Variants in METTL15 observed in about 807,000 individuals in gnomAD.
METTL15 encodes the protein methyltransferase 15, mitochondrial 12S rRNA N4-cytidine, also known as 12S rRNA N(4)-cytidine methyltransferase METTL15.
METTL15 carries 34 observed loss-of-function variants against 38.3 expected under a neutral mutation model. That is an observed-to-expected ratio of 0.89 (90% CI 0.68 to 1.18). The LOEUF (loss-of-function observed/expected upper bound fraction) is 1.18, where lower values mean the gene tolerates loss of function less well. METTL15 is among the 50% of genes most tolerant of loss of function. The probability of loss-of-function intolerance (pLI) is 0.00; values close to 1 mark genes in which losing one functional copy is unlikely to be tolerated. For missense variants in METTL15, 438 were observed against 498.4 expected (o/e 0.88, Z 1.15); for synonymous variants, 162 against 170.9 (o/e 0.95, Z 0.41).
intron 4 of METTL15, among the ~76,000 whole-genome samples, chr11:28,243,637 A>G (rs535689089): frequency 1.3e-5 from 2 of 152,298 alleles, no homozygotes; most frequent in African/African-American, 2.4e-5. Context: ...GTAGCATTCC[A>G]GGATCTCCAA....
chr11:28,395,535 C>G (rs879099011), intron 5 of METTL15, among the ~76,000 whole-genome samples: 6 of 152,080 alleles, frequency 3.9e-5, no homozygotes, highest in Non-Finnish European at 7.4e-5. Context: ...GACACATACA[C>G]CCTCCCAAGA....
intron 3 of METTL15, among the ~76,000 whole-genome samples, chr11:28,131,963 A>T (rs1354616115): frequency 6.6e-6 from 1 of 152,218 alleles, no homozygotes; most frequent in Non-Finnish European, 1.5e-5. Context: ...ATTTAGAGTG[A>T]TTAAAAAAAT....
intron 5 of METTL15, among the ~76,000 whole-genome samples, chr11:28,366,004 C>G (rs1041144901): frequency 6.6e-6 from 1 of 152,112 alleles, no homozygotes; most frequent in African/African-American, 2.4e-5. Context: ...GAGCTGAGAT[C>G]ATGCCACTGC....
chr11:28,471,949 C>T (rs571875709), intron 6 of METTL15, among the ~76,000 whole-genome samples: 3 of 152,118 alleles, frequency 2.0e-5, no homozygotes, highest in Admixed American at 6.6e-5. Context: ...TTCTGAATGA[C>T]GCAAGGTTGA....
chr11:28,155,359 C>T (rs1157395798), intron 3 of METTL15, among the ~76,000 whole-genome samples: 3 of 152,110 alleles, frequency 2.0e-5, no homozygotes, highest in East Asian at 1.9e-4. Flanking sequence ...GAGGAGAGAA[C>T]GAGATTAAAC....
In METTL15 at chr11:28,316,514, C is replaced by T. The variant is rs756748505; in HGVS notation, c.779-13882C>T. On this transcript the variant is annotated intron_variant, in intron 6 of 6. Coordinates refer to ENST00000407364, the MANE Select transcript of METTL15 (RefSeq NM_001113528.2). The stretch of plus-strand genomic sequence containing the variant: ...TTGTCTCAGATGAGACATTGGACTG[C>T]AGACTTTTGAGTTACTGCTGAAATA... Among the ~76,000 whole-genome samples, 49 of 152,124 alleles carry T rather than the reference C, an allele frequency of 3.2e-4. 1 individual carries two copies. Among genetic ancestry groups the T allele is most frequent in the Non-Finnish European group, 1.6e-4 (11 of 68,036 alleles).
intron 5 of METTL15, among the ~76,000 whole-genome samples, chr11:28,378,986 A>G (rs1850353159): frequency 6.6e-6 from 1 of 151,656 alleles, no homozygotes; most frequent in South Asian, 2.1e-4. Context: ...CATTTTTCCT[A>G]GGTTTTCTAA....
chr11:28,410,152 C>T lies in METTL15; in HGVS notation c.*359-14147C>T, dbSNP rs531977758. Among the ~76,000 whole-genome samples the T allele has an allele frequency of 2.0e-5, 3 of 152,134 alleles. No homozygotes were observed. The South Asian group carries it at 6.2e-4, about 32-fold the overall frequency. On this transcript the variant is annotated intron_variant and NMD_transcript_variant, in intron 5 of 7. Transcript: ENST00000532947. ...CCTTCCAACAAAGAAAAGCCCAGGA[C>T]CAGATGGATTCACTACTGATTACTG... is the stretch of plus-strand genomic sequence containing the variant.
At chr11:28,134,193 T>C (rs1227271157) in intron 3 of METTL15, among the ~76,000 whole-genome samples, 4 of 152,146 alleles carry the variant, frequency 2.6e-5, no homozygotes, top group South Asian at 4.1e-4. Flanking sequence ...CACGTGGACA[T>C]TGAAGAGCGA....
At position 28,526,053 on chromosome 11, in the gene METTL15, A is replaced by G. The variant is rs1030380666; in HGVS notation, c.*425-425A>G. ...GCAGCTGCTGGCCCGGGTGCTAAGC[A>G]CCTCACTGCCCAGGGCCACTCTGAG... is the stretch of plus-strand genomic sequence containing the variant. On this transcript the variant is annotated intron_variant and NMD_transcript_variant, in intron 6 of 7. Transcript: ENST00000532947. Among the ~76,000 whole-genome samples the G allele has an allele frequency of 2.6e-5, 4 of 152,220 alleles. No individual in the cohort carries two copies. In the East Asian group the frequency reaches 5.8e-4, roughly 22 times the overall value.
chr11:28,308,228 G>A (rs1176067380), intron 6 of METTL15, among the ~76,000 whole-genome samples: 1 of 151,920 alleles, frequency 6.6e-6, no homozygotes, highest in Non-Finnish European at 1.5e-5. Flanking sequence ...ATATTTAATT[G>A]TGATGTGCTT....
chr11:28,404,255 C>G (rs985112891), intron 5 of METTL15, among the ~76,000 whole-genome samples: 1 of 152,026 alleles, frequency 6.6e-6, no homozygotes, highest in Non-Finnish European at 1.5e-5. Context: ...TCCAAGGATC[C>G]TGCCATACTT....
At chr11:28,303,573 T>G (rs1856983023) in intron 6 of METTL15, among the ~76,000 whole-genome samples, 1 of 152,196 alleles carries the variant, frequency 6.6e-6, no homozygotes. Flanking sequence ...ATATTTGTGA[T>G]TCATGTTGAT....
rs147310165 is a variant in METTL15 at position 28,342,455 on chromosome 11, G to T, written c.*190-9635G>T. 4.4e-3 allele frequency among the ~76,000 whole-genome samples: 660 copies of T among 151,332 alleles called. 8 individuals carry two copies. The highest frequency in any genetic ancestry group is 0.014 in the African/African-American group (598 of 41,262). On this transcript the variant is annotated intron_variant and NMD_transcript_variant, in intron 3 of 7. Coordinates refer to the METTL15 transcript ENST00000532947. ...TTTTTTTTTTTTTTGTAGGGACAGG[G>T]TTTCTCTATGTTGCCCAGCCTGGTC...
intron 6 of METTL15, among the ~76,000 whole-genome samples, chr11:28,490,653 T>G (rs1851486904): frequency 6.6e-6 from 1 of 152,102 alleles, no homozygotes; most frequent in Non-Finnish European, 1.5e-5. Context: ...ACCACTAATT[T>G]AATTGAATAC....
intron 3 of METTL15, among the ~76,000 whole-genome samples, chr11:28,348,381 A>C (rs1372674008): frequency 6.6e-6 from 1 of 152,106 alleles, no homozygotes; most frequent in African/African-American, 2.4e-5. Context: ...TCTTCTTATT[A>C]TTTTAAGACA....
intron 6 of METTL15, among the ~76,000 whole-genome samples, chr11:28,508,641 T>C (rs1321811251): frequency 6.6e-6 from 1 of 152,190 alleles, no homozygotes. Context: ...TGTCCCTTAG[T>C]CACTTCTCTT....
At chr11:28,155,626 T>A (rs1850238025) in intron 3 of METTL15, among the ~76,000 whole-genome samples, 1 of 152,076 alleles carries the variant, frequency 6.6e-6, no homozygotes, top group East Asian at 1.9e-4. Flanking sequence ...TAGGTTTGTG[T>A]GAAGGCCAAG....
rs571266176 is a variant in METTL15, at chr11:28,117,466, A to T, written c.270+3862A>T. Among the ~76,000 whole-genome samples, 16 of 152,104 alleles carry T rather than the reference A, an allele frequency of 1.1e-4. 1 individual carries two copies. In the South Asian group the frequency reaches 3.3e-3, roughly 32 times the overall value. On this transcript the variant is annotated intron_variant, in intron 3 of 6. Transcript: ENST00000407364. ...TGGAGTAGAAAAACAAACAAAAACAAATTGCACTACATCTTCTAGCAAATC... is the reference window on the plus strand; with the variant it reads ...TGGAGTAGAAAAACAAACAAAAACATATTGCACTACATCTTCTAGCAAATC...
Sources: allele counts gnomAD v4.1 joint callset (sites outside exome capture counted in the v4.1 genomes callset), GRCh38; gene constraint gnomAD v4.1.1; transcripts MANE v1.5; gene names NCBI Gene and HGNC (gene_info 2026-07-23, HGNC 2026-07-21).